Variants in MERTK observed in about 807,000 individuals in gnomAD.
The protein encoded by MERTK is MER proto-oncogene, tyrosine kinase, also known as tyrosine-protein kinase Mer.
Under a neutral mutation model 99.3 loss-of-function variants are expected in MERTK, and 69 were observed. The observed-to-expected ratio is 0.70, with a 90% CI of 0.57 to 0.85. The LOEUF (loss-of-function observed/expected upper bound fraction) is 0.85, where lower values mean the gene tolerates loss of function less well. Ranked by LOEUF, MERTK falls within the 40% of genes least tolerant of loss-of-function variation. The pLI is 0.00. For synonymous variants in MERTK, 426 were observed against 467.6 expected (o/e 0.91, Z 1.15); for missense variants, 1,125 against 1,249.4 (o/e 0.90, Z 1.50).
In MERTK at chr2:111,959,889, C is replaced by G. The variant is rs142332253; in HGVS notation, c.758-5302C>G. Among the ~76,000 whole-genome samples, 985 of 152,274 alleles carry G rather than the reference C, an allele frequency of 6.5e-3. 13 individuals are homozygous for G. The highest frequency in any genetic ancestry group is 0.023 in the African/African-American group (949 of 41,526). ...ATATTTACTGAATTAGAAATTAAAA[C>G]TGAAAACTTTTAAAACACAAAAATA... On this transcript the variant is annotated intron_variant, in intron 4 of 18. Coordinates refer to ENST00000295408, the MANE Select transcript of MERTK (RefSeq NM_006343.3).
chr2:111,918,740 A>G (rs932221095), intron 1 of MERTK, among the ~76,000 whole-genome samples: 1 of 152,258 alleles, frequency 6.6e-6, no homozygotes, highest in Non-Finnish European at 1.5e-5. Context: ...CAGATGTTTC[A>G]TGTTAGGAAA....
At chr2:111,907,862 C>T (rs1012720575) in intron 1 of MERTK, among the ~76,000 whole-genome samples, 8 of 152,210 alleles carry the variant, frequency 5.3e-5, no homozygotes, top group Non-Finnish European at 1.0e-4. Flanking sequence ...CAGGGGTTCT[C>T]AAGAAGAGGT....
chr2:111,990,958 A>G (rs990957657), intron 8 of MERTK, among the ~76,000 whole-genome samples: 2 of 152,192 alleles, frequency 1.3e-5, no homozygotes, highest in Non-Finnish European at 2.9e-5. Context: ...ATTCTCTCAT[A>G]AGTGAGGTAT....
At chr2:111,942,787 A>G (rs1022860043) in intron 2 of MERTK, among the ~76,000 whole-genome samples, 8 of 152,210 alleles carry the variant, frequency 5.3e-5, no homozygotes, top group Non-Finnish European at 1.0e-4. Context: ...ATGCAATGAC[A>G]GGGGACTGTT....
chr2:111,956,064 A>G (rs969373705), intron 4 of MERTK, among the ~76,000 whole-genome samples: 4 of 152,068 alleles, frequency 2.6e-5, no homozygotes, highest in African/African-American at 4.8e-5. Context: ...ACATGTATAC[A>G]TATGTAACAA....
intron 4 of MERTK, among the ~76,000 whole-genome samples, chr2:111,955,384 C>T (rs754920136): frequency 3.3e-5 from 5 of 151,868 alleles, no homozygotes; most frequent in Non-Finnish European, 7.4e-5. Context: ...CTCAAAAGGA[C>T]AAAATTTTGC....
chr2:112,022,436 G>A (rs767062050), intron 18 of MERTK, 42 bp downstream of exon 18: 19 of 1,613,766 alleles, frequency 1.2e-5, no homozygotes, highest in Non-Finnish European at 1.4e-5. Context: ...TCTGCATGGG[G>A]CAGCCACCTG....
At chr2:111,991,516 T>G (rs1231052672) in intron 8 of MERTK, among the ~76,000 whole-genome samples, 1 of 151,740 alleles carries the variant, frequency 6.6e-6, no homozygotes, top group Non-Finnish European at 1.5e-5. Context: ...GTGAGCCACC[T>G]CGCCCAGCCC....
At chr2:111,931,500 A>G (rs1684670054) in intron 2 of MERTK, among the ~76,000 whole-genome samples, 1 of 152,164 alleles carries the variant, frequency 6.6e-6, no homozygotes, top group Non-Finnish European at 1.5e-5. Flanking sequence ...ATCCTGGCCA[A>G]CGTAGTGAAA....
intron 14 of MERTK, among the ~76,000 whole-genome samples, chr2:112,009,398 T>C (rs1444351221): frequency 6.6e-6 from 1 of 152,226 alleles, no homozygotes; most frequent in Non-Finnish European, 1.5e-5. Flanking sequence ...TTATAGCTTC[T>C]CTTTTGCAAA....
chr2:112,010,197 G>A, intron 15 of MERTK, 131 bp downstream of exon 15: 2 of 755,060 alleles, frequency 2.6e-6, no homozygotes, highest in South Asian at 1.4e-5. Flanking sequence ...AGTGCTCCCT[G>A]TGTGTCCAGG....
Position 111,912,163 on chromosome 2 carries a change from C to A in MERTK, c.61+13367C>A, listed in dbSNP as rs1350905825. ...GATTACAGGTGCCCACCACCATGCC[C>A]AGCTAATTTTTTTTTTTGTATTTTT... On this transcript the variant is annotated intron_variant, in intron 1 of 18. Coordinates refer to ENST00000295408, the MANE Select transcript of MERTK (RefSeq NM_006343.3). Among the ~76,000 whole-genome samples, 3 of 144,396 alleles carry A rather than the reference C, an allele frequency of 2.1e-5. No homozygotes were observed. The Admixed American group carries it at 2.1e-4, about 10-fold the overall frequency. The allele number at this position is 144,396 out of a possible 152,430, so 94.7% of individuals were successfully genotyped here.
intron 1 of MERTK, among the ~76,000 whole-genome samples, chr2:111,917,461 C>G (rs1684372089): frequency 6.6e-6 from 1 of 152,152 alleles, no homozygotes. Context: ...CTGCCCCTTT[C>G]CTTGTCTTTA....
At chr2:111,960,115 C>G (rs927772719) in intron 4 of MERTK, among the ~76,000 whole-genome samples, 1 of 152,150 alleles carries the variant, frequency 6.6e-6, no homozygotes, top group African/African-American at 2.4e-5. Context: ...CCCCAGAAGT[C>G]TCTTGACCAT....
chr2:112,021,426 C>A lies in MERTK; in HGVS notation c.2194C>A (p.Arg732=). ...GACGTAACCTGCTCTCTGTAGGTTGCGAGATGACATGACTGTCTGTGTTGC... is the reference window on the plus strand; with the variant it reads ...GACGTAACCTGCTCTCTGTAGGTTGAGAGATGACATGACTGTCTGTGTTGC... The part of the protein sequence containing the change: ...RDLAARNCML[R]DDMTVCVADF... The change falls in exon 17 of 19, where the codon CGA becomes AGA. Residue 732 remains arginine (R), a synonymous_variant. Transcript: ENST00000295408. The A allele has an allele frequency of 6.2e-7, 1 of 1,613,078 alleles. No individual in the cohort carries two copies. The highest frequency in any genetic ancestry group is 8.5e-7 in the Non-Finnish European group (1 of 1,179,852).
chr2:111,898,621 G>A lies in MERTK; in HGVS notation c.-115G>A. ...TTGGCTCCGCCACTCGGCACTCACTGCCCGGGCCGCCCGGACAGGGAGCTT... is the reference window on the plus strand; with the variant it reads ...TTGGCTCCGCCACTCGGCACTCACTACCCGGGCCGCCCGGACAGGGAGCTT... On this transcript the variant is annotated 5_prime_UTR_variant, in exon 1 of 19. Transcript: ENST00000295408. 1 of 1,314,348 alleles carries A rather than the reference G, an allele frequency of 7.6e-7. No individual in the cohort carries two copies. The highest frequency in any genetic ancestry group is 1.1e-6 in the Non-Finnish European group (1 of 936,720). The allele number at this position is 1,314,348 out of a possible 1,614,324, so 81.4% of individuals were successfully genotyped here.
chr2:111,913,919 CT>C, intron 1 of MERTK, among the ~76,000 whole-genome samples: 1 of 152,150 alleles, frequency 6.6e-6, no homozygotes, highest in East Asian at 1.9e-4. Flanking sequence ...CTTTTCTGAT[CT>C]TTTCTTTCTG....
intron 15 of MERTK, among the ~76,000 whole-genome samples, chr2:112,012,535 T>TCATC (rs886887323): frequency 6.6e-6 from 1 of 152,114 alleles, no homozygotes; most frequent in African/African-American, 2.4e-5. Context: ...CTCCCTCCAT[T>TCATC]CATCTTCTCT....
At chr2:111,944,926 C>G in intron 2 of MERTK, 34 bp from the exon 3 acceptor site, 1 of 1,552,886 alleles carries the variant, frequency 6.4e-7, no homozygotes, top group Non-Finnish European at 8.9e-7. Context: ...AAAGGGTAGT[C>G]ACTGTAAATA....
Sources: allele counts gnomAD v4.1 joint callset (sites outside exome capture counted in the v4.1 genomes callset), GRCh38; gene constraint gnomAD v4.1.1; transcripts MANE v1.5; gene names NCBI Gene and HGNC (gene_info 2026-07-23, HGNC 2026-07-21).